Variants in PLXNC1 observed in about 807,000 individuals in gnomAD.
PLXNC1 encodes the protein plexin C1.
PLXNC1 carries 75 observed loss-of-function variants against 178.2 expected under a neutral mutation model. The observed-to-expected ratio is 0.42, with a 90% confidence interval of 0.35 to 0.51. PLXNC1 has a LOEUF of 0.51. Among genes scored for constraint, PLXNC1 ranks in the 20% least tolerant of loss-of-function variants. PLXNC1 has a pLI of 0.02. For missense variants in PLXNC1, 1,503 were observed against 1,984.4 expected (o/e 0.76, Z 4.61); for synonymous variants, 790 against 779.9 (o/e 1.01, Z -0.22).
chr12:94,294,382 A>G (rs976819435), intron 23 of PLXNC1, 104 bp from the exon 24 acceptor site: 8 of 604,522 alleles, frequency 1.3e-5, no homozygotes, highest in Middle Eastern at 3.2e-4. Context: ...ATTTGATTTA[A>G]TAAGTGACAG....
chr12:94,213,107 T>G (rs150846004), intron 5 of PLXNC1, among the ~76,000 whole-genome samples: 448 of 152,350 alleles, frequency 2.9e-3, no homozygotes, highest in African/African-American at 0.01. Context: ...TGCTGCAATA[T>G]ACTTACATGT....
At chr12:94,207,095 G>A (rs1051829466) in intron 4 of PLXNC1, among the ~76,000 whole-genome samples, 43 of 152,328 alleles carry the variant, frequency 2.8e-4, no homozygotes, top group African/African-American at 9.6e-4. Context: ...CAGTATTTGA[G>A]AAGTAATAAG....
At chr12:94,198,180 G>A (rs981489753) in intron 4 of PLXNC1, among the ~76,000 whole-genome samples, 3 of 152,122 alleles carry the variant, frequency 2.0e-5, no homozygotes, top group African/African-American at 4.8e-5. Flanking sequence ...TATGTGCCAT[G>A]GAATGAAAAG....
rs191552018 is a variant in PLXNC1 at position 94,226,265 on chromosome 12, C to T, written c.1791-340C>T. On this transcript the variant is annotated intron_variant, in intron 7 of 30. Transcript: ENST00000258526. ...TTTTGGAAGGCAGAGTGGGTAGAGG[C>T]GGGGAGAGAGAGAGATCCATCTCCA... 1.7e-3 allele frequency among the ~76,000 whole-genome samples: 266 copies of T among 152,088 alleles called. 1 individual carries two copies. The highest frequency in any genetic ancestry group is 6.1e-3 in the African/African-American group (251 of 41,480).
intron 2 of PLXNC1, among the ~76,000 whole-genome samples, chr12:94,169,724 G>A (rs1961768904): frequency 1.3e-5 from 2 of 152,262 alleles, no homozygotes; most frequent in South Asian, 4.1e-4. Flanking sequence ...GAAAAAACAG[G>A]TGTTCTTTCC....
intron 9 of PLXNC1, among the ~76,000 whole-genome samples, chr12:94,236,635 C>T (rs755981310): frequency 2.7e-5 from 4 of 148,762 alleles, no homozygotes; most frequent in South Asian, 2.1e-4. Flanking sequence ...GTATATTCTG[C>T]GATGGTAGAG....
intron 10 of PLXNC1, among the ~76,000 whole-genome samples, chr12:94,238,105 T>C (rs1416856874): frequency 6.6e-6 from 1 of 152,218 alleles, no homozygotes; most frequent in East Asian, 1.9e-4. Context: ...ATCAAGTATA[T>C]GGAGTAGCAA....
chr12:94,190,103 C>A (rs954050076), intron 4 of PLXNC1, among the ~76,000 whole-genome samples: 6 of 152,276 alleles, frequency 3.9e-5, no homozygotes, highest in Middle Eastern at 6.8e-3. Flanking sequence ...GGAGAGGAAG[C>A]AGCCAGGCCT....
intron 11 of PLXNC1, among the ~76,000 whole-genome samples, chr12:94,242,302 ATTTTTTT>A (rs59056862): frequency 5.9e-4 from 57 of 97,358 alleles, no homozygotes; most frequent in Admixed American, 1.2e-3. Context: ...AATCTCCCCA[ATTTTTTT>A]TTTTTTTTTT....
At chr12:94,196,837 A>G (rs1168484934) in intron 4 of PLXNC1, among the ~76,000 whole-genome samples, 3 of 152,224 alleles carry the variant, frequency 2.0e-5, no homozygotes, top group African/African-American at 7.2e-5. Flanking sequence ...AGAAAGCACT[A>G]TTACAATCCC....
chr12:94,282,040 T>G (rs1357976630), intron 22 of PLXNC1: 1 of 390,860 alleles, frequency 2.6e-6, no homozygotes. Context: ...TCGTCCCTCA[T>G]AGAATGCATT....
chr12:94,238,208 C>G (rs1468188196), intron 10 of PLXNC1, among the ~76,000 whole-genome samples: 1 of 151,958 alleles, frequency 6.6e-6, no homozygotes, highest in Non-Finnish European at 1.5e-5. Flanking sequence ...AGTGTGCCAC[C>G]CAAAGTTGAA....
At chr12:94,222,377 T>C (rs574265548) in intron 6 of PLXNC1, among the ~76,000 whole-genome samples, 2 of 152,304 alleles carry the variant, frequency 1.3e-5, no homozygotes, top group Admixed American at 6.5e-5. Context: ...CATGGCCTTC[T>C]TTAAACCTAG....
intron 9 of PLXNC1, among the ~76,000 whole-genome samples, chr12:94,232,178 C>T (rs769494326): frequency 1.1e-4 from 17 of 152,146 alleles, no homozygotes; most frequent in Admixed American, 6.5e-4. Flanking sequence ...CCTCTGCCTC[C>T]CCAGTTCAAG....
At chr12:94,244,532 C>T (rs935353178) in intron 12 of PLXNC1, among the ~76,000 whole-genome samples, 24 of 152,180 alleles carry the variant, frequency 1.6e-4, no homozygotes, top group African/African-American at 5.5e-4. Context: ...TCTTACCTTT[C>T]GTCTCCCCAC....
At chr12:94,294,389 A>G (rs1967692265) in intron 23 of PLXNC1, 97 bp from the exon 24 acceptor site, 1 of 615,864 alleles carries the variant, frequency 1.6e-6, no homozygotes, top group Admixed American at 2.7e-5. Context: ...TTAATAAGTG[A>G]CAGCATGTAA....
chr12:94,233,920 A>G (rs1296001909), intron 9 of PLXNC1, among the ~76,000 whole-genome samples: 1 of 152,070 alleles, frequency 6.6e-6, no homozygotes, highest in African/African-American at 2.4e-5. Context: ...CCTGAACCGA[A>G]TACTCACTCC....
At chr12:94,244,742 T>C (rs903082423) in intron 12 of PLXNC1, among the ~76,000 whole-genome samples, 6 of 152,190 alleles carry the variant, frequency 3.9e-5, no homozygotes, top group African/African-American at 1.4e-4. Flanking sequence ...TTGTGCATAA[T>C]TTCCGTGATA....
intron 4 of PLXNC1, among the ~76,000 whole-genome samples, chr12:94,191,818 T>G (rs1457600973): frequency 6.6e-6 from 1 of 151,322 alleles, no homozygotes; most frequent in Non-Finnish European, 1.5e-5. Context: ...AAAAAGCAAT[T>G]AGATAAACAA....
Sources: gnomAD v4.1 joint callset for allele counts (sites outside exome capture counted in the v4.1 genomes callset) on GRCh38, gnomAD v4.1.1 for gene constraint, MANE v1.5 for transcripts, NCBI Gene and HGNC (gene_info 2026-07-23, HGNC 2026-07-21) for gene names.